Variants in UGT1A10 observed in about 807,000 individuals in gnomAD.
UGT1A10 encodes UDP glucuronosyltransferase family 1 member A10.
In UGT1A10, 49 loss-of-function variants were observed where a neutral mutation model predicts 45.8. The ratio of observed to expected loss-of-function variants is 1.07; its 90% CI spans 0.85 to 1.36. UGT1A10 has a LOEUF of 1.36. Ranked by LOEUF, UGT1A10 falls within the 40% of genes most tolerant of loss-of-function variation. The probability of loss-of-function intolerance (pLI) is 0.00; values close to 1 mark genes in which losing one functional copy is unlikely to be tolerated. For synonymous variants in UGT1A10, 284 were observed against 249.7 expected (o/e 1.14, Z -1.29); for missense variants, 745 against 668.6 (o/e 1.11, Z -1.26).
chr2:233,706,636 G>T (rs1013671014), intron 1 of UGT1A10, among the ~76,000 whole-genome samples: 1 of 152,178 alleles, frequency 6.6e-6, no homozygotes, highest in Non-Finnish European at 1.5e-5. Flanking sequence ...TGTTTCTACT[G>T]TGTCTGTGCC....
At chr2:233,693,950 C>T (rs2075190769) in intron 1 of UGT1A10, 2 of 1,589,758 alleles carry the variant, frequency 1.3e-6, no homozygotes, top group Non-Finnish European at 1.7e-6. Context: ...AGCCGACTGT[C>T]CCTTGGAGGA....
At chr2:233,739,315 GAGA>G (rs1462380897) in intron 1 of UGT1A10, among the ~76,000 whole-genome samples, 27 of 152,314 alleles carry the variant, frequency 1.8e-4, no homozygotes, top group African/African-American at 5.5e-4. Context: ...GTGGAGTTGT[GAGA>G]AGAAGGCCAC....
chr2:233,711,884 G>C (rs2076202262), intron 1 of UGT1A10, among the ~76,000 whole-genome samples: 1 of 152,204 alleles, frequency 6.6e-6, no homozygotes, highest in Non-Finnish European at 1.5e-5. Flanking sequence ...GGAGCAGGAC[G>C]AGTCTCATGG....
intron 1 of UGT1A10, chr2:233,708,512 G>A (rs1388620371): frequency 6.6e-6 from 1 of 152,176 alleles, no homozygotes; most frequent in African/African-American, 2.4e-5. Flanking sequence ...AGCACTTTGC[G>A]GGGCCGAAGC....
At chr2:233,767,976 C>G in intron 3 of UGT1A10, 40 bp downstream of exon 3, 1 of 1,614,042 alleles carries the variant, frequency 6.2e-7, no homozygotes. Context: ...AAACCAGGGT[C>G]AAATTAAGAA....
intron 1 of UGT1A10, among the ~76,000 whole-genome samples, chr2:233,678,214 C>G (rs2074412044): frequency 6.6e-6 from 1 of 152,168 alleles, no homozygotes. Flanking sequence ...GGGTACTATG[C>G]TCAGTACTTG....
At chr2:233,761,302 C>T (rs1697737544) in intron 1 of UGT1A10, 1 of 1,473,836 alleles carries the variant, frequency 6.8e-7, no homozygotes, top group Non-Finnish European at 9.2e-7. Context: ...AGGTTTGAGT[C>T]TGTCTTTGGC....
intron 1 of UGT1A10, among the ~76,000 whole-genome samples, chr2:233,750,114 G>T (rs1694365231): frequency 6.6e-6 from 1 of 151,914 alleles, no homozygotes; most frequent in South Asian, 2.1e-4. Flanking sequence ...AAGAAGACAG[G>T]AAGATGTGGG....
chr2:233,643,709 G>A (rs1314526061), intron 1 of UGT1A10, among the ~76,000 whole-genome samples: 2 of 152,182 alleles, frequency 1.3e-5, no homozygotes, highest in African/African-American at 2.4e-5. Context: ...CCTTGACGTA[G>A]TACGAGGTTT....
chr2:233,732,311 T>A (rs1163118726), intron 1 of UGT1A10, among the ~76,000 whole-genome samples: 3 of 152,222 alleles, frequency 2.0e-5, no homozygotes, highest in Admixed American at 6.5e-5. Flanking sequence ...CCCATTTGTC[T>A]ATTTTGGCTT....
intron 1 of UGT1A10, chr2:233,713,073 A>G (rs2076276099): frequency 1.2e-6 from 2 of 1,614,110 alleles, no homozygotes; most frequent in African/African-American, 2.7e-5. Flanking sequence ...CTGGGCTGAG[A>G]GTGGGAAGGT....
intron 1 of UGT1A10, chr2:233,750,548 G>C (rs1694498401): frequency 1.3e-5 from 2 of 151,982 alleles, no homozygotes; most frequent in African/African-American, 4.9e-5. Context: ...GTGCACATCA[G>C]AGACCTTTGC....
chr2:233,762,115 C>A (rs1697973235), intron 1 of UGT1A10, among the ~76,000 whole-genome samples: 1 of 152,304 alleles, frequency 6.6e-6, no homozygotes, highest in South Asian at 2.1e-4. Flanking sequence ...CGCTTCACAT[C>A]ATGAGCCATG....
chr2:233,691,345 A>G (rs2075039049), intron 1 of UGT1A10: 1 of 985,414 alleles, frequency 1.0e-6, no homozygotes, highest in Non-Finnish European at 1.2e-6. Context: ...GAGTCTTCGC[A>G]TGCCTTGAAC....
chr2:233,760,469 C>A (rs1273237448), intron 1 of UGT1A10: 1 of 1,614,210 alleles, frequency 6.2e-7, no homozygotes, highest in South Asian at 1.1e-5. Context: ...GTTGTCCTAG[C>A]ACCTGACGCC....
intron 1 of UGT1A10, among the ~76,000 whole-genome samples, chr2:233,655,583 T>TA (rs1320888518): frequency 3.3e-5 from 5 of 152,164 alleles, no homozygotes; most frequent in East Asian, 3.9e-4. Flanking sequence ...GAAAAACTGT[T>TA]AGAAAGAAGG....
At chr2:233,702,121 A>G (rs1297535500) in intron 1 of UGT1A10, among the ~76,000 whole-genome samples, 1 of 152,030 alleles carries the variant, frequency 6.6e-6, no homozygotes, top group Non-Finnish European at 1.5e-5. Context: ...ACCTTAGAAC[A>G]TTTTCAGTCA....
chr2:233,733,391 T>C lies in UGT1A10; in HGVS notation c.856-33643T>C, dbSNP rs547725287. Among the ~76,000 whole-genome samples the C allele has an allele frequency of 1.8e-4, 27 of 152,316 alleles. No homozygotes were observed. In the South Asian group the frequency reaches 5.6e-3, roughly 32 times the overall value. On this transcript the variant is annotated intron_variant, in intron 1 of 4. Coordinates refer to ENST00000344644, the MANE Select transcript of UGT1A10 (RefSeq NM_019075.4). Reference sequence around the variant, plus strand: ...AGGTCATCCTTGTTTTGTGCCAGTTTTCAAAGGGAATGCTTCCAGTTTTCG... The same window carrying C: ...AGGTCATCCTTGTTTTGTGCCAGTTCTCAAAGGGAATGCTTCCAGTTTTCG...
intron 1 of UGT1A10, chr2:233,729,497 A>G (rs1450342762): frequency 6.8e-6 from 11 of 1,614,114 alleles, no homozygotes; most frequent in Non-Finnish European, 8.5e-6. Flanking sequence ...TCTTTGGTCT[A>G]TCATAGGTCT....
Sources: allele counts gnomAD v4.1 joint callset (sites outside exome capture counted in the v4.1 genomes callset), GRCh38; gene constraint gnomAD v4.1.1; transcripts MANE v1.5; gene names NCBI Gene and HGNC (gene_info 2026-07-23, HGNC 2026-07-21).